Variants in MORC1 observed in about 807,000 individuals in gnomAD.
MORC1 encodes MORC family CW-type zinc finger protein 1.
In MORC1, 59 loss-of-function variants were observed where a neutral mutation model predicts 134.9. The ratio of observed to expected loss-of-function variants is 0.44; its 90% CI spans 0.35 to 0.54. The LOEUF is 0.54. MORC1 is among the 20% of genes least tolerant of loss of function. The pLI is 0.00. For missense variants in MORC1, 947 were observed against 1,134.5 expected, an observed-to-expected ratio of 0.83 and a Z score of 2.37; for synonymous variants, 395 against 391.7, an observed-to-expected ratio of 1.01 and a Z score of -0.10.
intron 27 of MORC1, among the ~76,000 whole-genome samples, chr3:108,963,123 A>C (rs753563394): frequency 2.7e-5 from 4 of 149,160 alleles, no homozygotes; most frequent in Non-Finnish European, 4.4e-5. Context: ...CAGGAGGCGG[A>C]GGTTGCAGTG....
intron 17 of MORC1, among the ~76,000 whole-genome samples, chr3:109,013,311 G>A (rs771286722): frequency 6.6e-6 from 1 of 152,058 alleles, no homozygotes; most frequent in Non-Finnish European, 1.5e-5. Context: ...GATTTTCCAG[G>A]ACCAGCTCTT....
intron 8 of MORC1, among the ~76,000 whole-genome samples, chr3:109,072,781 G>T (rs1576711692): frequency 6.6e-6 from 1 of 152,098 alleles, no homozygotes; most frequent in East Asian, 1.9e-4. Context: ...TATTCTTCAA[G>T]AGTATTTCTT....
At chr3:109,035,315 A>G (rs1949348826) in intron 15 of MORC1, 25 bp downstream of exon 15, 2 of 1,563,850 alleles carry the variant, frequency 1.3e-6, no homozygotes, top group African/African-American at 1.4e-5. Flanking sequence ...AACATTTGGT[A>G]ATTATAATGG....
chr3:109,036,578 C>T (rs1010193041), intron 14 of MORC1, among the ~76,000 whole-genome samples: 2 of 152,214 alleles, frequency 1.3e-5, no homozygotes, highest in South Asian at 2.1e-4. Flanking sequence ...AACCATGGTA[C>T]CAGCCTTACA....
chr3:109,076,974 T>TA (rs10674222), intron 8 of MORC1, among the ~76,000 whole-genome samples: 19,583 of 142,338 alleles, frequency 0.14, 1,394 homozygotes, highest in Non-Finnish European at 0.14. Context: ...CTTAAAGTAT[T>TA]AAAAAAAAAA....
intron 24 of MORC1, 36 bp downstream of exon 24, chr3:108,979,479 C>T: frequency 3.1e-6 from 5 of 1,605,150 alleles, no homozygotes; most frequent in East Asian, 2.2e-5. Context: ...GAAAGTTAAA[C>T]AAAGCATGTG....
intron 21 of MORC1, among the ~76,000 whole-genome samples, chr3:108,999,882 T>C (rs1018944460): frequency 3.3e-5 from 5 of 152,086 alleles, no homozygotes; most frequent in African/African-American, 1.2e-4. Flanking sequence ...GTGAGTTTTT[T>C]TTAACAGAAA....
chr3:108,968,128 A>T (rs1041663177), intron 26 of MORC1, among the ~76,000 whole-genome samples: 14 of 152,240 alleles, frequency 9.2e-5, no homozygotes, highest in African/African-American at 3.4e-4. Flanking sequence ...TATTAGTGGT[A>T]GAACAGCATC....
chr3:109,093,396 C>A, intron 8 of MORC1, 40 bp downstream of exon 8: 1 of 1,506,946 alleles, frequency 6.6e-7, no homozygotes, highest in Non-Finnish European at 9.2e-7. Flanking sequence ...CTCTAGCTCA[C>A]CACCATTGTT....
chr3:109,105,392 G>A (rs936852866), intron 3 of MORC1, among the ~76,000 whole-genome samples: 2 of 152,238 alleles, frequency 1.3e-5, no homozygotes, highest in Admixed American at 6.5e-5. Flanking sequence ...GTGTGGTGGC[G>A]TGTGCCTGTA....
intron 8 of MORC1, among the ~76,000 whole-genome samples, chr3:109,085,190 G>A (rs553808939): frequency 1.3e-5 from 2 of 151,588 alleles, no homozygotes; most frequent in African/African-American, 2.4e-5. Context: ...GTGTGTGTCT[G>A]TCTGTGTATG....
intron 22 of MORC1, among the ~76,000 whole-genome samples, chr3:108,985,358 T>G (rs1045875210): frequency 6.6e-6 from 1 of 152,212 alleles, no homozygotes; most frequent in African/African-American, 2.4e-5. Flanking sequence ...TTTAAGAGTG[T>G]CTTGGGGACA....
At chr3:108,965,641 A>T (rs964714810) in intron 26 of MORC1, among the ~76,000 whole-genome samples, 11 of 152,340 alleles carry the variant, frequency 7.2e-5, no homozygotes, top group African/African-American at 2.6e-4. Context: ...ATGTATGATA[A>T]AATGACATAC....
rs772008798 is a variant in MORC1, at chr3:108,963,624, A to T, written c.2605-16T>A. 6.8e-7 allele frequency: 1 copy of T among 1,477,082 alleles called. No individual in the cohort carries two copies. The highest frequency in any genetic ancestry group is 1.4e-5 in the African/African-American group (1 of 70,268). The allele number at this position is 1,477,082 out of a possible 1,614,324, so 91.5% of individuals were successfully genotyped here. A position where few individuals can be genotyped will look rare whatever the true frequency, so the allele number is the denominator to read the frequency against. ...TATTCTGTATCTGGGAATGTTTTAA[A>T]AACAGTTTTAGCATGTTTTTAAAAT... is the stretch of plus-strand genomic sequence containing the variant. On this transcript the variant is annotated splice_polypyrimidine_tract_variant and intron_variant, in intron 26 of 27. Transcript: ENST00000232603.
chr3:109,015,929 T>C (rs994872492), intron 17 of MORC1, among the ~76,000 whole-genome samples: 5 of 152,146 alleles, frequency 3.3e-5, no homozygotes, highest in African/African-American at 1.2e-4. Context: ...GGAATCAGAT[T>C]TGGGACTTTT....
chr3:109,016,670 C>T (rs1283995822), intron 17 of MORC1, among the ~76,000 whole-genome samples: 1 of 152,060 alleles, frequency 6.6e-6, no homozygotes, highest in African/African-American at 2.4e-5. Context: ...CAAGACCAGC[C>T]TGATCAACAT....
At chr3:109,037,175 T>C (rs1194757851) in intron 14 of MORC1, among the ~76,000 whole-genome samples, 9 of 152,202 alleles carry the variant, frequency 5.9e-5, no homozygotes, top group Non-Finnish European at 1.2e-4. Context: ...GGATCCACCA[T>C]TCTTATCTCA....
At chr3:108,974,058 C>A (rs1187129109) in intron 24 of MORC1, among the ~76,000 whole-genome samples, 1 of 152,060 alleles carries the variant, frequency 6.6e-6, no homozygotes, top group Non-Finnish European at 1.5e-5. Flanking sequence ...CCCACCAGGC[C>A]CAAGCAAGTT....
chr3:108,998,639 C>CTTTT, intron 21 of MORC1, among the ~76,000 whole-genome samples: 1 of 152,064 alleles, frequency 6.6e-6, no homozygotes. Flanking sequence ...ATGGGATGAT[C>CTTTT]TTTTTTTAAT....
Sources: gnomAD v4.1 joint callset for allele counts (sites outside exome capture counted in the v4.1 genomes callset) on GRCh38, gnomAD v4.1.1 for gene constraint, MANE v1.5 for transcripts, NCBI Gene and HGNC (gene_info 2026-07-23, HGNC 2026-07-21) for gene names.